RMDN1: variants seen among roughly 807,000 people sequenced by gnomAD.
RMDN1 encodes regulator of microtubule dynamics 1.
Under a neutral mutation model 48.9 loss-of-function variants are expected in RMDN1, and 48 were observed. That is an observed-to-expected ratio of 0.98 (90% CI 0.78 to 1.25). The LOEUF (loss-of-function observed/expected upper bound fraction) is 1.25, where lower values mean the gene tolerates loss of function less well. Ranked by LOEUF, RMDN1 falls within the 50% of genes most tolerant of loss-of-function variation. The probability of loss-of-function intolerance (pLI) is 0.00; values close to 1 mark genes in which losing one functional copy is unlikely to be tolerated. For missense variants in RMDN1, 418 were observed against 373.4 expected (o/e 1.12, Z -0.98); for synonymous variants, 148 against 132.6 (o/e 1.12, Z -0.80).
chr8:86,480,116 A>AAT (rs897482979), intron 6 of RMDN1, among the ~76,000 whole-genome samples, 161 bp downstream of exon 6: 7 of 152,088 alleles, frequency 4.6e-5, no homozygotes, highest in African/African-American at 1.7e-4. Context: ...ATGTTCTAAC[A>AAT]ATATATATAC....
At chr8:86,488,710 G>T in intron 2 of RMDN1, 71 bp from the exon 3 acceptor site, 4 of 1,032,160 alleles carry the variant, frequency 3.9e-6, no homozygotes, top group South Asian at 3.3e-5. Flanking sequence ...ATAATTCAAA[G>T]AAACTTAAAC....
chr8:86,504,874 T>C, intron 2 of RMDN1: 1 of 1,084,456 alleles, frequency 9.2e-7, no homozygotes, highest in Non-Finnish European at 1.4e-6. Context: ...TGTATTTTTA[T>C]TATCTTCGCC....
chr8:86,479,125 G>T, intron 6 of RMDN1, 115 bp from the exon 7 acceptor site: 1 of 728,390 alleles, frequency 1.4e-6, no homozygotes, highest in Non-Finnish European at 2.3e-6. Context: ...TAAACAACTT[G>T]TGCTTTACAT....
chr8:86,476,515 T>C (rs1052900336), intron 8 of RMDN1, among the ~76,000 whole-genome samples: 4 of 152,122 alleles, frequency 2.6e-5, no homozygotes, highest in African/African-American at 9.7e-5. Context: ...GTCTCTTATC[T>C]CCCCCACTTG....
downstream of RMDN1, among the ~76,000 whole-genome samples, chr8:86,469,107 TTCTA>T (rs1238298414): frequency 2.0e-5 from 3 of 146,932 alleles, no homozygotes; most frequent in African/African-American, 2.5e-5. Flanking sequence ...AGCAACACAA[TTCTA>T]TCTGTTAGAT....
chr8:86,474,700 AAC>A, intron 9 of RMDN1, 118 bp downstream of exon 9: 1 of 950,458 alleles, frequency 1.1e-6, no homozygotes, highest in Non-Finnish European at 1.7e-6. Flanking sequence ...ACTTGAAATG[AAC>A]ACACTTGTTT....
Position 86,473,915 on chromosome 8 carries a change from GA to G in RMDN1, c.*392del. On this transcript the variant is annotated 3_prime_UTR_variant, in exon 10 of 10. Coordinates refer to ENST00000406452, the MANE Select transcript of RMDN1 (RefSeq NM_016033.3). The stretch of plus-strand genomic sequence containing the variant: ...CACTGTCACCACACCTTCTCTTCAA[GA>G]TTTCAACTTAGAATCAATCCAATTT... 1.0e-6 allele frequency: 1 copy of G among 1,003,040 alleles called. No individual in the cohort carries two copies. Among genetic ancestry groups the G allele is most frequent in the Non-Finnish European group, 1.2e-6 (1 of 841,538 alleles). 62.1% of individuals were successfully genotyped at this position (1,003,040 alleles called of 1,614,324 possible). A position where few individuals can be genotyped will look rare whatever the true frequency, so the allele number is the denominator to read the frequency against.
rs575880878 is a variant in RMDN1 at position 86,475,632 on chromosome 8, A to C, written c.761-679T>G. Among the ~76,000 whole-genome samples, 3 of 152,270 alleles carry C rather than the reference A, an allele frequency of 2.0e-5. No individual in the cohort carries two copies. The South Asian group carries it at 6.2e-4, about 32-fold the overall frequency. On this transcript the variant is annotated intron_variant, in intron 8 of 9. Transcript: ENST00000406452. ...AGCATAAACAGAAAGCCTATGAATG[A>C]AAACATGGAATTATCTCACCAACTT...
chr8:86,483,984 C>A lies in RMDN1; in HGVS notation c.585+888G>T, dbSNP rs115609387. On this transcript the variant is annotated intron_variant, in intron 5 of 9. Transcript: ENST00000406452. The stretch of plus-strand genomic sequence containing the variant: ...ATACAATATACACACAGATATCAAT[C>A]TTAAATAGAATTATTACTACAAGGA... Among the ~76,000 whole-genome samples the A allele has an allele frequency of 9.0e-3, 1,371 of 152,212 alleles. 25 individuals are homozygous for A. The highest frequency in any genetic ancestry group is 0.031 in the African/African-American group (1,298 of 41,516).
Position 86,504,805 on chromosome 8 carries a change from A to G in RMDN1, c.247+2190T>C, listed in dbSNP as rs1563661067. On this transcript the variant is annotated intron_variant, in intron 2 of 9. Transcript: ENST00000406452. ...ACTGCAATGGCCGGCTGCTCCAACT[A>G]TACCTCCAACTTCTTAGTCGGACTG... is the stretch of plus-strand genomic sequence containing the variant. 15 of 1,055,562 alleles carry G rather than the reference A, an allele frequency of 1.4e-5. No homozygotes were observed. The East Asian group carries it at 2.1e-4, about 15-fold the overall frequency. The allele number at this position is 1,055,562 out of a possible 1,614,324, so 65.4% of individuals were successfully genotyped here. A position where few individuals can be genotyped will look rare whatever the true frequency, so the allele number is the denominator to read the frequency against.
upstream of RMDN1, among the ~76,000 whole-genome samples, chr8:86,509,953 T>C (rs1819959479): frequency 6.6e-6 from 1 of 152,230 alleles, no homozygotes. Flanking sequence ...CATTGCTAAA[T>C]GTTTATGCCA....
In RMDN1 at chr8:86,508,621, G is replaced by A. The variant is rs145029250; in HGVS notation, c.-1C>T. 7.5e-6 allele frequency: 12 copies of A among 1,599,900 alleles called. No individual in the cohort carries two copies. The highest frequency in any genetic ancestry group is 1.0e-5 in the Non-Finnish European group (12 of 1,173,862). On this transcript the variant is annotated 5_prime_UTR_variant, in exon 1 of 10. Coordinates refer to ENST00000406452, the MANE Select transcript of RMDN1 (RefSeq NM_016033.3). ...GCCACAGTCGAGCAGCCAGCGCCAT[G>A]ACCTGCAACTTGCGGGCTGACCCTG...
chr8:86,500,280 C>T (rs1817993977), intron 2 of RMDN1, among the ~76,000 whole-genome samples: 1 of 152,074 alleles, frequency 6.6e-6, no homozygotes, highest in Admixed American at 6.5e-5. Context: ...GCAAACTATG[C>T]ATCTGACAAA....
In RMDN1 at chr8:86,473,122, G is replaced by C; in HGVS notation, c.*1186C>G. ...AGCAAAATCACTGAATCTAAGAGAT[G>C]GGTATACAAAGATCACTACTTTCAG... On this transcript the variant is annotated 3_prime_UTR_variant, in exon 10 of 10. Transcript: ENST00000406452. 1 of 985,072 alleles carries C rather than the reference G, an allele frequency of 1.0e-6. No homozygotes were observed. Among genetic ancestry groups the C allele is most frequent in the Non-Finnish European group, 1.2e-6 (1 of 829,656 alleles). 61.0% of individuals were successfully genotyped at this position (985,072 alleles called of 1,614,324 possible).
intron 2 of RMDN1, among the ~76,000 whole-genome samples, chr8:86,503,375 A>ACAAAAAAAAAC: frequency 1.1e-5 from 1 of 87,184 alleles, no homozygotes; most frequent in Admixed American, 1.3e-4. Flanking sequence ...ACAAAACAAA[A>ACAAAAAAAAAC]AAAAAAAAAA....
chr8:86,503,345 C>T (rs1243302360), intron 2 of RMDN1, among the ~76,000 whole-genome samples: 5 of 117,678 alleles, frequency 4.2e-5, no homozygotes, highest in Non-Finnish European at 9.4e-5. Flanking sequence ...GAGCAAGACT[C>T]CGTCTCAAAA....
At chr8:86,480,133 T>C (rs1404826845) in intron 6 of RMDN1, 144 bp downstream of exon 6, 2 of 451,778 alleles carry the variant, frequency 4.4e-6, no homozygotes, top group Non-Finnish European at 8.0e-6. Context: ...ATACAAGGGC[T>C]AGTTAATGGA....
At chr8:86,497,317 T>C (rs891935752) in intron 2 of RMDN1, among the ~76,000 whole-genome samples, 1 of 152,012 alleles carries the variant, frequency 6.6e-6, no homozygotes, top group Admixed American at 6.6e-5. Flanking sequence ...AAAATTGAGA[T>C]GTGAAAGCCA....
upstream of RMDN1, chr8:86,508,719 C>T (rs1586809707): frequency 7.2e-7 from 1 of 1,382,590 alleles, no homozygotes; most frequent in Non-Finnish European, 9.3e-7. Context: ...ACCGCGCCCG[C>T]CCGCCTCCTG....
Sources: allele counts gnomAD v4.1 joint callset (sites outside exome capture counted in the v4.1 genomes callset), GRCh38; gene constraint gnomAD v4.1.1; transcripts MANE v1.5; gene names NCBI Gene and HGNC (gene_info 2026-07-23, HGNC 2026-07-21).